SAMMSON: variants seen among roughly 807,000 people sequenced by gnomAD.
The protein encoded by SAMMSON is survival associated mitochondrial melanoma specific oncogenic non-coding RNA.
rs181532181 is a variant in SAMMSON, at chr3:70,322,861, A to T, written n.740-31314A>T. Among the ~76,000 whole-genome samples, 10 of 152,238 alleles carry T rather than the reference A, an allele frequency of 6.6e-5. No individual in the cohort carries two copies. In the East Asian group the frequency reaches 1.7e-3, roughly 27 times the overall value. On this transcript the variant is annotated intron_variant and non_coding_transcript_variant, in intron 7 of 9. Coordinates refer to ENST00000642114, the Ensembl canonical transcript of SAMMSON. Reference sequence around the variant, plus strand: ...TGTCCCTAAATTATAAAATTAGTAAAGTTAAAACCACACAGGACCTACACA... The same window carrying T: ...TGTCCCTAAATTATAAAATTAGTAATGTTAAAACCACACAGGACCTACACA...
At chr3:70,126,249 T>G in intron 4 of SAMMSON, 1 of 1,024,090 alleles carries the variant, frequency 9.8e-7, no homozygotes, top group Non-Finnish European at 1.4e-6. Context: ...AACAGGGTCA[T>G]CAGACCTTTT....
chr3:70,022,004 G>C lies in SAMMSON; in HGVS notation n.417+8332G>C, dbSNP rs75237304. On this transcript the variant is annotated intron_variant and non_coding_transcript_variant, in intron 3 of 9. Coordinates refer to ENST00000642114, the Ensembl canonical transcript of SAMMSON. ...TCTAAACCTGTTTAGGCACCAGAAT[G>C]GAGGCGGTAGGTGACAGCGTTTCAC... Among the ~76,000 whole-genome samples, 27 of 152,230 alleles carry C rather than the reference G, an allele frequency of 1.8e-4. No individual in the cohort carries two copies. The East Asian group carries it at 5.2e-3, about 29-fold the overall frequency.
chr3:70,058,499 T>C (rs1342229135), intron 3 of SAMMSON, among the ~76,000 whole-genome samples: 2 of 152,072 alleles, frequency 1.3e-5, no homozygotes, highest in Admixed American at 6.6e-5. Context: ...CTTTGAAGTA[T>C]AATGTATGTC....
intron 3 of SAMMSON, among the ~76,000 whole-genome samples, chr3:70,062,117 CTG>C (rs2107592177): frequency 6.6e-6 from 1 of 152,184 alleles, no homozygotes; most frequent in African/African-American, 2.4e-5. Context: ...ACCCCATAGT[CTG>C]TGTGCCACTG....
chr3:70,393,977 C>T (rs1013660400), downstream of SAMMSON, among the ~76,000 whole-genome samples: 5 of 152,252 alleles, frequency 3.3e-5, no homozygotes, highest in Non-Finnish European at 4.4e-5. Context: ...GGGAGGCATG[C>T]GCACAAGTGT....
rs147777399 is a variant in SAMMSON at position 70,270,397 on chromosome 3, A to T, written n.674+20727A>T. On this transcript the variant is annotated intron_variant and non_coding_transcript_variant, in intron 6 of 9. Coordinates refer to ENST00000642114, the Ensembl canonical transcript of SAMMSON. ...TAAATTTTTTAAAAAGAAAAGAAAA[A>T]CACAGACCAAACACATATAAATACA... Among the ~76,000 whole-genome samples the T allele has an allele frequency of 4.1e-3, 624 of 152,322 alleles. 3 individuals carry two copies. The highest frequency in any genetic ancestry group is 0.014 in the African/African-American group (596 of 41,576).
intron 1 of SAMMSON, among the ~76,000 whole-genome samples, chr3:70,002,960 C>T (rs2066911838): frequency 6.6e-6 from 1 of 152,020 alleles, no homozygotes; most frequent in South Asian, 2.1e-4. Flanking sequence ...TTAAAATATC[C>T]TACTATGATT....
chr3:70,120,936 G>A (rs570282788), intron 4 of SAMMSON, among the ~76,000 whole-genome samples: 24 of 152,086 alleles, frequency 1.6e-4, no homozygotes, highest in Admixed American at 1.3e-4. Flanking sequence ...TTATTACATC[G>A]TAATACATAA....
intron 9 of SAMMSON, among the ~76,000 whole-genome samples, chr3:70,371,201 G>T (rs1702965348): frequency 6.6e-6 from 1 of 152,174 alleles, no homozygotes; most frequent in South Asian, 2.1e-4. Flanking sequence ...ATACCATGCT[G>T]TTTGGACTGC....
chr3:70,125,860 T>C (rs1465698452), intron 4 of SAMMSON: 6 of 676,270 alleles, frequency 8.9e-6, no homozygotes, highest in African/African-American at 3.6e-5. Flanking sequence ...TTTCTGTTGG[T>C]CCTCATCATC....
At chr3:70,139,341 C>T (rs2067518356) in intron 4 of SAMMSON, among the ~76,000 whole-genome samples, 1 of 152,088 alleles carries the variant, frequency 6.6e-6, no homozygotes, top group African/African-American at 2.4e-5. Flanking sequence ...CCAACCAAAC[C>T]TTAAGTCTTG....
intron 4 of SAMMSON, among the ~76,000 whole-genome samples, chr3:70,104,387 T>G (rs926552230): frequency 6.6e-6 from 1 of 151,860 alleles, no homozygotes; most frequent in Non-Finnish European, 1.5e-5. Flanking sequence ...AACCAGTGAG[T>G]GAAATCATGC....
At chr3:70,067,441 A>G (rs1389284102) in intron 3 of SAMMSON, among the ~76,000 whole-genome samples, 2 of 152,008 alleles carry the variant, frequency 1.3e-5, no homozygotes, top group African/African-American at 2.4e-5. Context: ...TTCTTACTAG[A>G]AATTCATGAT....
chr3:70,013,540 C>T (rs2066967969), exon 3 of SAMMSON: 1 of 152,150 alleles, frequency 6.6e-6, no homozygotes, highest in African/African-American at 2.4e-5. Context: ...CTGAAAGTCT[C>T]AGAAAGGCAC....
rs373217620 is a variant in SAMMSON at position 70,381,594 on chromosome 3, A to G, written n.914-7980A>G. 1.1e-4 allele frequency among the ~76,000 whole-genome samples: 16 copies of G among 152,320 alleles called. No individual in the cohort carries two copies. In the East Asian group the frequency reaches 3.1e-3, roughly 29 times the overall value. ...TATGTGCTTCCTGATGTGAGACACTACAGAGTACATGTTGCACATGAACCA... is the reference window on the plus strand; with the variant it reads ...TATGTGCTTCCTGATGTGAGACACTGCAGAGTACATGTTGCACATGAACCA... On this transcript the variant is annotated intron_variant and non_coding_transcript_variant, in intron 9 of 9. Coordinates refer to ENST00000642114, the Ensembl canonical transcript of SAMMSON.
chr3:70,170,804 A>T (rs1174095123), intron 4 of SAMMSON, among the ~76,000 whole-genome samples: 1 of 151,904 alleles, frequency 6.6e-6, no homozygotes, highest in East Asian at 1.9e-4. Flanking sequence ...AAGAAAAATT[A>T]GCGAGTGCAG....
chr3:70,121,751 C>T (rs1438105124), intron 4 of SAMMSON, among the ~76,000 whole-genome samples: 4 of 152,110 alleles, frequency 2.6e-5, no homozygotes, highest in African/African-American at 9.7e-5. Flanking sequence ...CTGCCTTAGG[C>T]GTGAAGGAGA....
chr3:70,384,644 A>C (rs1703105446), intron 9 of SAMMSON, among the ~76,000 whole-genome samples: 1 of 152,104 alleles, frequency 6.6e-6, no homozygotes, highest in Admixed American at 6.6e-5. Context: ...GGGGCCCCGC[A>C]ACATCTATAA....
chr3:70,088,897 C>T (rs2067296026), intron 4 of SAMMSON, among the ~76,000 whole-genome samples: 1 of 152,006 alleles, frequency 6.6e-6, no homozygotes, highest in Non-Finnish European at 1.5e-5. Context: ...ATGTTGATAA[C>T]CATGAACTGT....
Sources: allele counts gnomAD v4.1 joint callset (sites outside exome capture counted in the v4.1 genomes callset), GRCh38; gene constraint gnomAD v4.1.1; transcripts MANE v1.5; gene names NCBI Gene and HGNC (gene_info 2026-07-23, HGNC 2026-07-21).